Variants in PXK observed in about 807,000 individuals in gnomAD.
PXK encodes PX domain containing serine/threonine kinase like, also known as PX domain-containing protein kinase-like protein.
Under a neutral mutation model 84.7 loss-of-function variants are expected in PXK, and 35 were observed. The observed-to-expected ratio is 0.41, with a 90% CI of 0.32 to 0.55. The LOEUF (loss-of-function observed/expected upper bound fraction) is 0.55. Ranked by LOEUF, PXK falls within the 20% of genes least tolerant of loss-of-function variation. The pLI is 0.21. For synonymous variants in PXK, 253 were observed against 260.8 expected (o/e 0.97, Z 0.29); for missense variants, 634 against 699.7 (o/e 0.91, Z 1.06).
In PXK at chr3:58,412,977, T is replaced by A. The variant is rs1299864987; in HGVS notation, c.1528+14T>A. The A allele has an allele frequency of 1.9e-6, 3 of 1,613,052 alleles. No individual in the cohort carries two copies. Among genetic ancestry groups the A allele is most frequent in the Non-Finnish European group, 2.5e-6 (3 of 1,179,248 alleles). ...CCTCTACATCAGGTTAGTGATGGAG[T>A]AAAGTGACATGCCACCTTCCTGTCC... On this transcript the variant is annotated intron_variant, in intron 17 of 17. Coordinates refer to ENST00000356151, the MANE Select transcript of PXK (RefSeq NM_017771.5). This position sits in a 1 kb window ranked among gnomAD's most constrained non-coding sequence, Gnocchi z 6.2.
At position 58,414,720 on chromosome 3, in the gene PXK, T is replaced by C. The variant is rs1480437867; in HGVS notation, c.1528+1757T>C. On this transcript the variant is annotated intron_variant, in intron 17 of 17. Coordinates refer to ENST00000356151, the MANE Select transcript of PXK (RefSeq NM_017771.5). The surrounding 1 kb of genome is among the most constrained non-coding windows in gnomAD (Gnocchi z 4.5). Reference sequence around the variant, plus strand: ...AGAGATGAGAGGTTCCCAGCAAATATTGGCTCCTCCTTTCTTTTATCTCCT... The same window carrying C: ...AGAGATGAGAGGTTCCCAGCAAATACTGGCTCCTCCTTTCTTTTATCTCCT... 1.3e-5 allele frequency among the ~76,000 whole-genome samples: 2 copies of C among 152,164 alleles called. No homozygotes were observed. The highest frequency in any genetic ancestry group is 2.4e-5 in the African/African-American group (1 of 41,440).
chr3:58,371,213 G>T (rs2098365572), intron 3 of PXK, among the ~76,000 whole-genome samples: 1 of 152,212 alleles, frequency 6.6e-6, no homozygotes, highest in African/African-American at 2.4e-5. Flanking sequence ...TGAGTCTTCA[G>T]ATAGAATATT....
At chr3:58,368,818 G>A (rs1460957304) in intron 2 of PXK, among the ~76,000 whole-genome samples, 1 of 152,194 alleles carries the variant, frequency 6.6e-6, no homozygotes, top group Non-Finnish European at 1.5e-5. Flanking sequence ...CTTGATCAGG[G>A]CCTGAAGAAC....
chr3:58,360,915 CA>C, intron 1 of PXK, among the ~76,000 whole-genome samples: 1 of 151,872 alleles, frequency 6.6e-6, no homozygotes, highest in Admixed American at 6.6e-5. Context: ...ATACTTTCAT[CA>C]TAATGTCCTG....
chr3:58,340,062 C>T (rs921237686), intron 1 of PXK, among the ~76,000 whole-genome samples: 1 of 151,906 alleles, frequency 6.6e-6, no homozygotes, highest in African/African-American at 2.4e-5. Context: ...AGGTGATCCA[C>T]CCGCCTTGGC....
rs937585423 is a variant in PXK at position 58,401,636 on chromosome 3, CAA to C, written c.1182-2224_1182-2223del. On this transcript the variant is annotated intron_variant, in intron 12 of 17. Coordinates refer to ENST00000356151, the MANE Select transcript of PXK (RefSeq NM_017771.5). This position sits in a 1 kb window ranked among gnomAD's most constrained non-coding sequence, Gnocchi z 4.4. Reference sequence around the variant, plus strand: ...GTAAGACCCTGTCTCAAAAATAAAACAAAGTGAGGGGCAGGCGTGGTGGCTCA... The same window carrying C: ...GTAAGACCCTGTCTCAAAAATAAAACAGTGAGGGGCAGGCGTGGTGGCTCA... Among the ~76,000 whole-genome samples the C allele has an allele frequency of 2.5e-4, 37 of 150,448 alleles. No homozygotes were observed. Among genetic ancestry groups the C allele is most frequent in the Middle Eastern group, 3.5e-3 (1 of 282 alleles).
In PXK at chr3:58,400,419, G is replaced by A. The variant is rs572614378; in HGVS notation, c.1181+1042G>A. On this transcript the variant is annotated intron_variant, in intron 12 of 17. Coordinates refer to ENST00000356151, the MANE Select transcript of PXK (RefSeq NM_017771.5). The surrounding 1 kb of genome is among the most constrained non-coding windows in gnomAD (Gnocchi z 4.0). Reference sequence around the variant, plus strand: ...ACAGCTTGAAGGGCATGTAGCCAGAGTTCAGAGAAGGTAGAGATAACTTCC... The same window carrying A: ...ACAGCTTGAAGGGCATGTAGCCAGAATTCAGAGAAGGTAGAGATAACTTCC... Among the ~76,000 whole-genome samples, 1 of 152,312 alleles carries A rather than the reference G, an allele frequency of 6.6e-6. No homozygotes were observed. Among genetic ancestry groups the A allele is most frequent in the East Asian group, 1.9e-4 (1 of 5,194 alleles).
intron 1 of PXK, among the ~76,000 whole-genome samples, chr3:58,350,590 C>T (rs1021868614): frequency 3.9e-5 from 6 of 152,160 alleles, no homozygotes; most frequent in Admixed American, 2.6e-4. Flanking sequence ...GGGGTGGAGT[C>T]TATTCTCATC....
chr3:58,384,716 A>G (rs2098536828), intron 4 of PXK, among the ~76,000 whole-genome samples: 2 of 152,160 alleles, frequency 1.3e-5, no homozygotes, highest in Admixed American at 1.3e-4. Context: ...GTGCTTGCTA[A>G]TGTTCTCCTG....
chr3:58,412,355 C>T lies in PXK; in HGVS notation c.1466-546C>T, dbSNP rs776910577. Among the ~76,000 whole-genome samples the T allele has an allele frequency of 1.3e-5, 2 of 151,884 alleles. No individual in the cohort carries two copies. The highest frequency in any genetic ancestry group is 2.9e-5 in the Non-Finnish European group (2 of 67,982). ...CACATTGTTTTAATGTGAATAAGGACATTTACTTATTCTAGATAAGAAAAG... is the reference window on the plus strand; with the variant it reads ...CACATTGTTTTAATGTGAATAAGGATATTTACTTATTCTAGATAAGAAAAG... On this transcript the variant is annotated intron_variant, in intron 16 of 17. Coordinates refer to ENST00000356151, the MANE Select transcript of PXK (RefSeq NM_017771.5). This position sits in a 1 kb window ranked among gnomAD's most constrained non-coding sequence, Gnocchi z 6.2.
At chr3:58,362,884 A>T (rs1452370080) in intron 1 of PXK, among the ~76,000 whole-genome samples, 1 of 151,882 alleles carries the variant, frequency 6.6e-6, no homozygotes, top group Non-Finnish European at 1.5e-5. Context: ...CGGCTAATTA[A>T]TTTTTTTATA....
At chr3:58,419,256 T>C (rs1317998191) in intron 17 of PXK, among the ~76,000 whole-genome samples, 2 of 152,198 alleles carry the variant, frequency 1.3e-5, no homozygotes, top group African/African-American at 4.8e-5. Context: ...TCAGGTGATT[T>C]CTTTTCTTTT....
At chr3:58,391,728 T>A (rs777765291) in intron 6 of PXK, 45 bp from the exon 7 acceptor site, 22 of 1,534,898 alleles carry the variant, frequency 1.4e-5, no homozygotes, top group Non-Finnish European at 2.0e-5. Flanking sequence ...AATTTTTCTT[T>A]TGGTGACCAA....
rs2098541428 is a variant in PXK, at chr3:58,385,217, G to C, written c.388+2517G>C. ...TATAAAAAGACCACCAGAAACTCCT[G>C]CCGGAACCTGTGCTGGCTGCTATTC... On this transcript the variant is annotated intron_variant, in intron 4 of 17. Coordinates refer to ENST00000356151, the MANE Select transcript of PXK (RefSeq NM_017771.5). This position sits in a 1 kb window ranked among gnomAD's most constrained non-coding sequence, Gnocchi z 5.1. 6.6e-6 allele frequency among the ~76,000 whole-genome samples: 1 copy of C among 152,220 alleles called. No individual in the cohort carries two copies. Among genetic ancestry groups the C allele is most frequent in the African/African-American group, 2.4e-5 (1 of 41,460 alleles).
intron 13 of PXK, 50 bp from the exon 14 acceptor site, chr3:58,408,874 T>A (rs2107547240): frequency 7.3e-7 from 1 of 1,378,424 alleles, no homozygotes; most frequent in Middle Eastern, 1.8e-4. Context: ...GACTTGGAAG[T>A]ATCTCCAGCC....
chr3:58,422,575 G>A (rs933692911), intron 17 of PXK: 4 of 985,232 alleles, frequency 4.1e-6, no homozygotes, highest in Admixed American at 1.2e-4. Flanking sequence ...CATTTACTTG[G>A]ACAGTGGAAA....
chr3:58,412,870 C>T lies in PXK; in HGVS notation c.1466-31C>T. The T allele has an allele frequency of 6.2e-7, 1 of 1,612,206 alleles. No individual in the cohort carries two copies. Among genetic ancestry groups the T allele is most frequent in the Non-Finnish European group, 8.5e-7 (1 of 1,178,334 alleles). On this transcript the variant is annotated intron_variant, in intron 16 of 17. Transcript: ENST00000356151. This position sits in a 1 kb window ranked among gnomAD's most constrained non-coding sequence, Gnocchi z 6.2. Reference sequence around the variant, plus strand: ...AAATTCCAAATGTCTTTCGTTGGTCCCCATGAGGGTTTCTCTGTGTTTTAT... The same window carrying T: ...AAATTCCAAATGTCTTTCGTTGGTCTCCATGAGGGTTTCTCTGTGTTTTAT...
At chr3:58,388,410 A>G (rs1201315726) in intron 4 of PXK, among the ~76,000 whole-genome samples, 1 of 152,238 alleles carries the variant, frequency 6.6e-6, no homozygotes, top group Admixed American at 6.5e-5. Context: ...ACATTAGAGA[A>G]TTATTTTTCA....
At chr3:58,365,208 T>C (rs1366809091) in intron 1 of PXK, among the ~76,000 whole-genome samples, 1 of 152,136 alleles carries the variant, frequency 6.6e-6, no homozygotes, top group Non-Finnish European at 1.5e-5. Flanking sequence ...TTTGATATGC[T>C]GTATTTTCTT....
Sources: gnomAD v4.1 joint callset for allele counts (sites outside exome capture counted in the v4.1 genomes callset) on GRCh38, gnomAD v4.1.1 for gene constraint, Gnocchi (gnomAD v3.1) non-coding constraint, MANE v1.5 for transcripts, NCBI Gene and HGNC (gene_info 2026-07-23, HGNC 2026-07-21) for gene names.